Variants in PRKG1 observed in about 807,000 individuals in gnomAD.
PRKG1 encodes the protein protein kinase cGMP-dependent 1, also known as cGMP-dependent protein kinase 1.
PRKG1 carries 35 observed loss-of-function variants against 88.1 expected under a neutral mutation model. The observed-to-expected ratio is 0.40, with a 90% CI of 0.30 to 0.53. The LOEUF (loss-of-function observed/expected upper bound fraction) is 0.53, where lower values mean the gene tolerates loss of function less well. Among genes scored for constraint, PRKG1 ranks in the 20% least tolerant of loss-of-function variants. The probability of loss-of-function intolerance (pLI) is 0.59; values close to 1 mark genes in which losing one functional copy is unlikely to be tolerated. For missense variants in PRKG1, 540 were observed against 839.8 expected, an observed-to-expected ratio of 0.64 and a Z score of 4.41; for synonymous variants, 303 against 292.5, an observed-to-expected ratio of 1.04 and a Z score of -0.37.
At chr10:51,728,442 ATTTTTTCTTTG>A (rs1842187921) in intron 3 of PRKG1, among the ~76,000 whole-genome samples, 1 of 114,474 alleles carries the variant, frequency 8.7e-6, no homozygotes, top group Admixed American at 9.9e-5. Context: ...GCAAAATTCC[ATTTTTTCTTTG>A]TTTTTTTTTT....
chr10:52,131,216 G>A (rs4643022), intron 7 of PRKG1, among the ~76,000 whole-genome samples: 2 of 152,180 alleles, frequency 1.3e-5, no homozygotes, highest in South Asian at 2.1e-4. Flanking sequence ...AGGCATTTGG[G>A]ATGAAACGGG....
chr10:52,066,122 T>G (rs1846348825), intron 7 of PRKG1, among the ~76,000 whole-genome samples: 1 of 152,204 alleles, frequency 6.6e-6, no homozygotes, highest in South Asian at 2.1e-4. Flanking sequence ...TCACCAGAGA[T>G]TTGCTAGTTA....
intron 5 of PRKG1, among the ~76,000 whole-genome samples, chr10:51,937,754 G>A (rs1842826097): frequency 6.6e-6 from 1 of 152,040 alleles, no homozygotes; most frequent in Admixed American, 6.6e-5. Context: ...GACTGAGAGT[G>A]CCAAAGTCCA....
chr10:51,830,548 GTTTTTTTTTTTGTT>G (rs1343179303), intron 4 of PRKG1, among the ~76,000 whole-genome samples: 17 of 116,252 alleles, frequency 1.5e-4, no homozygotes, highest in African/African-American at 4.9e-4. Flanking sequence ...CTCTTAAAGT[GTTTTTTTTTTTGTT>G]TTTTTTTTTT....
At chr10:52,049,382 A>G (rs1356146563) in intron 5 of PRKG1, among the ~76,000 whole-genome samples, 1 of 152,198 alleles carries the variant, frequency 6.6e-6, no homozygotes, top group Non-Finnish European at 1.5e-5. Flanking sequence ...AGTCTGAAAC[A>G]GAATCACAAG....
intron 9 of PRKG1, among the ~76,000 whole-genome samples, chr10:52,192,679 A>G (rs1297560276): frequency 6.6e-6 from 1 of 152,126 alleles, no homozygotes; most frequent in Non-Finnish European, 1.5e-5. Context: ...TTTTCCAGAT[A>G]TCAATAAATA....
intron 3 of PRKG1, among the ~76,000 whole-genome samples, chr10:51,688,838 A>G (rs890487732): frequency 3.9e-5 from 6 of 152,150 alleles, no homozygotes; most frequent in Non-Finnish European, 8.8e-5. Context: ...CTGGTTTACC[A>G]TCTGATATGG....
chr10:51,044,020 A>T (rs1843457538), intron 1 of PRKG1, among the ~76,000 whole-genome samples: 1 of 152,192 alleles, frequency 6.6e-6, no homozygotes, highest in Non-Finnish European at 1.5e-5. Context: ...TAAGAAGAAA[A>T]TACTGTCTAT....
intron 5 of PRKG1, among the ~76,000 whole-genome samples, chr10:51,983,866 C>T (rs1844081336): frequency 6.6e-6 from 1 of 152,200 alleles, no homozygotes; most frequent in African/African-American, 2.4e-5. Flanking sequence ...GGAACAAGTC[C>T]AGGAGCAAAG....
chr10:51,084,755 A>G (rs985407501), intron 1 of PRKG1, among the ~76,000 whole-genome samples: 3 of 152,336 alleles, frequency 2.0e-5, no homozygotes, highest in African/African-American at 7.2e-5. Context: ...AAGAAGTAAC[A>G]TTGTACTTCT....
intron 2 of PRKG1, among the ~76,000 whole-genome samples, chr10:51,255,560 C>G (rs1178058022): frequency 6.6e-6 from 1 of 152,098 alleles, no homozygotes; most frequent in Non-Finnish European, 1.5e-5. Context: ...GATTTGGTCT[C>G]TACAAAGCAT....
At chr10:52,031,987 A>G (rs1845486084) in intron 5 of PRKG1, among the ~76,000 whole-genome samples, 1 of 151,896 alleles carries the variant, frequency 6.6e-6, no homozygotes, top group Admixed American at 6.6e-5. Context: ...GTGTAGAGGG[A>G]GAGGGGGTAT....
intron 5 of PRKG1, among the ~76,000 whole-genome samples, chr10:52,026,002 GA>G (rs1670374822): frequency 6.6e-6 from 1 of 151,766 alleles, no homozygotes; most frequent in Non-Finnish European, 1.5e-5. Flanking sequence ...AGAGGCCTCA[GA>G]AATAATGCCA....
chr10:51,280,086 C>T (rs2132198786), intron 2 of PRKG1, among the ~76,000 whole-genome samples: 1 of 152,286 alleles, frequency 6.6e-6, no homozygotes, highest in Admixed American at 6.5e-5. Flanking sequence ...CAGAATCTCT[C>T]AGCATTTGCT....
intron 1 of PRKG1, among the ~76,000 whole-genome samples, chr10:51,042,738 T>A (rs1013146838): frequency 1.3e-5 from 2 of 151,980 alleles, no homozygotes; most frequent in South Asian, 4.2e-4. Context: ...GGAATAAGGG[T>A]CCTCTAGACT....
At chr10:51,543,840 A>T (rs1842376475) in intron 3 of PRKG1, among the ~76,000 whole-genome samples, 1 of 152,176 alleles carries the variant, frequency 6.6e-6, no homozygotes, top group East Asian at 1.9e-4. Flanking sequence ...AAGCTGACAG[A>T]ATAAGGAAGC....
intron 9 of PRKG1, among the ~76,000 whole-genome samples, chr10:52,224,127 A>T (rs1001374601): frequency 6.6e-6 from 1 of 152,220 alleles, no homozygotes; most frequent in Admixed American, 6.5e-5. Context: ...ACAATGGTCT[A>T]CAAGGCCCCA....
At chr10:52,038,125 T>C (rs865809378) in intron 5 of PRKG1, among the ~76,000 whole-genome samples, 5 of 152,172 alleles carry the variant, frequency 3.3e-5, no homozygotes, top group African/African-American at 1.2e-4. Context: ...TCAAGCAGCA[T>C]TGCAGAAGAA....
At chr10:51,156,683 T>C (rs1846224105) in intron 2 of PRKG1, among the ~76,000 whole-genome samples, 1 of 152,082 alleles carries the variant, frequency 6.6e-6, no homozygotes, top group Admixed American at 6.6e-5. Context: ...AGTGTAACTT[T>C]AGCAGATCTT....
Sources: allele counts gnomAD v4.1 joint callset (sites outside exome capture counted in the v4.1 genomes callset), GRCh38; gene constraint gnomAD v4.1.1; transcripts MANE v1.5; gene names NCBI Gene and HGNC (gene_info 2026-07-23, HGNC 2026-07-21).